Variants in SLC41A2 observed in about 807,000 individuals in gnomAD.
SLC41A2 encodes the protein solute carrier family 41 member 2.
A neutral mutation model predicts 58.3 loss-of-function variants in SLC41A2; 32 were observed. The observed-to-expected ratio is 0.55, with a 90% CI of 0.41 to 0.74. The LOEUF (loss-of-function observed/expected upper bound fraction) is 0.74. Ranked by LOEUF, SLC41A2 falls within the 30% of genes least tolerant of loss-of-function variation. The pLI is 0.00. For missense variants in SLC41A2, 514 were observed against 680.6 expected, an observed-to-expected ratio of 0.76 and a Z score of 2.72; for synonymous variants, 190 against 235.0, an observed-to-expected ratio of 0.81 and a Z score of 1.75.
At chr12:104,908,700 T>C (rs2045955980) in intron 3 of SLC41A2, among the ~76,000 whole-genome samples, 1 of 152,226 alleles carries the variant, frequency 6.6e-6, no homozygotes, top group South Asian at 2.1e-4. Flanking sequence ...CAAAATCATA[T>C]TATAATAAGA....
chr12:104,832,488 G>A (rs2042072708), intron 10 of SLC41A2, among the ~76,000 whole-genome samples: 5 of 152,078 alleles, frequency 3.3e-5, no homozygotes, highest in Admixed American at 3.3e-4. Flanking sequence ...ACAGTCAATT[G>A]GACAATTTGA....
intron 10 of SLC41A2, among the ~76,000 whole-genome samples, chr12:104,831,454 T>C (rs575392016): frequency 3.1e-4 from 47 of 152,300 alleles, no homozygotes; most frequent in African/African-American, 1.1e-3. Flanking sequence ...GACATTTCTG[T>C]TAACAATGGA....
chr12:104,886,671 C>T (rs1436960722), intron 5 of SLC41A2, among the ~76,000 whole-genome samples: 1 of 151,860 alleles, frequency 6.6e-6, no homozygotes, highest in African/African-American at 2.4e-5. Flanking sequence ...TATTTAGAGG[C>T]CTGAAAGCTA....
rs539221269 is a variant in SLC41A2, at chr12:104,875,301, T to C, written c.1028-8722A>G. ...GTTGTCGTTGTTGTTTAGGTCATTT[T>C]TGTCTTTGCTTTTGTTTTAGAGATG... On this transcript the variant is annotated intron_variant, in intron 6 of 10. Transcript: ENST00000258538. 1.1e-4 allele frequency among the ~76,000 whole-genome samples: 16 copies of C among 152,324 alleles called. No homozygotes were observed. In the East Asian group the frequency reaches 2.7e-3, roughly 26 times the overall value.
At chr12:104,888,995 T>A (rs768222610) in intron 5 of SLC41A2, 38 bp downstream of exon 5, 10 of 1,491,396 alleles carry the variant, frequency 6.7e-6, no homozygotes, top group Non-Finnish European at 8.9e-6. Context: ...CATTTAAATG[T>A]AAAAGGCTAT....
intron 6 of SLC41A2, among the ~76,000 whole-genome samples, chr12:104,880,862 A>G (rs2044331949): frequency 6.6e-6 from 1 of 152,014 alleles, no homozygotes; most frequent in Non-Finnish European, 1.5e-5. Flanking sequence ...TCTCTTTTCT[A>G]TTGATTGGAA....
At chr12:104,869,361 T>C (rs2043641864) in intron 6 of SLC41A2, among the ~76,000 whole-genome samples, 1 of 152,142 alleles carries the variant, frequency 6.6e-6, no homozygotes, top group South Asian at 2.1e-4. Context: ...TTCAAAAATG[T>C]CTGTCATTAA....
chr12:104,837,369 G>A (rs1299454275), intron 10 of SLC41A2, among the ~76,000 whole-genome samples: 1 of 152,216 alleles, frequency 6.6e-6, no homozygotes, highest in Non-Finnish European at 1.5e-5. Flanking sequence ...GAGGGATTCA[G>A]GGGATCCTTG....
In SLC41A2 at chr12:104,845,869, T is replaced by C; in HGVS notation, c.1361A>G (p.Tyr454Cys). The C allele has an allele frequency of 6.2e-7, 1 of 1,613,296 alleles. No homozygotes were observed. The highest frequency in any genetic ancestry group is 8.5e-7 in the Non-Finnish European group (1 of 1,179,544). The change falls in exon 9 of 11, where the codon TAC becomes TGC. Residue 454 changes from tyrosine (Y) to cysteine (C), a missense_variant. Tyr to Cys is a radical substitution (Grantham distance 194, BLOSUM62 -2). Coordinates refer to ENST00000258538, the MANE Select transcript of SLC41A2 (RefSeq NM_001352171.3). The stretch of plus-strand genomic sequence containing the variant: ...TGGACCAAAGAAAGTTCTAAATGGG[T>C]AGTAACAACCTTTGGGTTCATCAGG... ...ELPDEPKGCY[Y>C]PFRTFFGPGV...
intron 1 of SLC41A2, among the ~76,000 whole-genome samples, chr12:104,947,194 CCTTTTTTTTTT>C (rs1364635835): frequency 2.8e-4 from 15 of 53,668 alleles, no homozygotes; most frequent in African/African-American, 3.8e-4. Flanking sequence ...TTATTTTTGT[CCTTTTTTTTTT>C]TTTTTTTTTT....
At chr12:104,916,631 G>C (rs1391302331) in intron 2 of SLC41A2, among the ~76,000 whole-genome samples, 3 of 152,036 alleles carry the variant, frequency 2.0e-5, no homozygotes, top group Non-Finnish European at 4.4e-5. Flanking sequence ...CAGAGATATA[G>C]ATCAATGGAA....
At chr12:104,821,054 T>C (rs896247044) in intron 10 of SLC41A2, among the ~76,000 whole-genome samples, 1 of 152,256 alleles carries the variant, frequency 6.6e-6, no homozygotes, top group Non-Finnish European at 1.5e-5. Flanking sequence ...ACAAGAACTT[T>C]CAGTGAACAA....
At chr12:104,941,531 T>C (rs563160557) in intron 1 of SLC41A2, among the ~76,000 whole-genome samples, 1 of 152,338 alleles carries the variant, frequency 6.6e-6, no homozygotes, top group East Asian at 1.9e-4. Flanking sequence ...TTTAAAGGAA[T>C]TTTTATTTGG....
intron 2 of SLC41A2, among the ~76,000 whole-genome samples, chr12:104,926,720 A>T (rs1234794155): frequency 1.3e-5 from 2 of 152,224 alleles, no homozygotes; most frequent in African/African-American, 4.8e-5. Context: ...TATGCTAAAC[A>T]TTAATAATAA....
intron 10 of SLC41A2, among the ~76,000 whole-genome samples, chr12:104,837,539 TAGAAC>T (rs1406546916): frequency 1.4e-4 from 21 of 152,210 alleles, no homozygotes; most frequent in African/African-American, 4.6e-4. Context: ...ACTGGAGATG[TAGAAC>T]AGGAGTCCAG....
At chr12:104,931,954 T>C (rs535125491) in intron 1 of SLC41A2, among the ~76,000 whole-genome samples, 2 of 152,354 alleles carry the variant, frequency 1.3e-5, no homozygotes, top group African/African-American at 4.8e-5. Flanking sequence ...GTTTCTGTCC[T>C]AACAGCTGTT....
At chr12:104,920,015 T>C (rs1413751974) in intron 2 of SLC41A2, among the ~76,000 whole-genome samples, 2 of 152,218 alleles carry the variant, frequency 1.3e-5, no homozygotes, top group East Asian at 3.8e-4. Flanking sequence ...TCAGGTCAAA[T>C]TTATTTGTTT....
intron 1 of SLC41A2, among the ~76,000 whole-genome samples, chr12:104,948,670 T>C (rs985863518): frequency 6.6e-6 from 1 of 152,214 alleles, no homozygotes; most frequent in African/African-American, 2.4e-5. Flanking sequence ...GAAGCCCCTG[T>C]AGACATTTCT....
intron 8 of SLC41A2, among the ~76,000 whole-genome samples, chr12:104,856,914 G>C (rs1420190777): frequency 6.6e-6 from 1 of 152,068 alleles, no homozygotes; most frequent in Non-Finnish European, 1.5e-5. Flanking sequence ...TAAAAACCTG[G>C]ATCTACACAA....
Sources: allele counts gnomAD v4.1 joint callset (sites outside exome capture counted in the v4.1 genomes callset), GRCh38; gene constraint gnomAD v4.1.1; transcripts MANE v1.5; gene names NCBI Gene and HGNC (gene_info 2026-07-23, HGNC 2026-07-21).